THSD7A: variants seen among roughly 807,000 people sequenced by gnomAD.
The protein encoded by THSD7A is thrombospondin type-1 domain-containing protein 7A.
A neutral mutation model predicts 231.3 loss-of-function variants in THSD7A; 96 were observed. That is an observed-to-expected ratio of 0.41 (90% confidence interval 0.35 to 0.49). The LOEUF (loss-of-function observed/expected upper bound fraction) is 0.49, where lower values mean the gene tolerates loss of function less well. Ranked by LOEUF, THSD7A falls within the 20% of genes least tolerant of loss-of-function variation. The pLI, the probability that THSD7A is intolerant of heterozygous loss-of-function variation, is 0.05. For synonymous variants in THSD7A, 940 were observed against 743.3 expected (o/e 1.26, Z -4.30); for missense variants, 2,290 against 2,070.2 (o/e 1.11, Z -2.06).
rs745759491 is a variant in THSD7A at position 11,590,550 on chromosome 7, A to G, written c.1363T>C (p.Cys455Arg). Residue 455 changes from cysteine (C) to arginine (R), a missense_variant, in exon 4 of 28, where the codon TGT becomes CGT. Coordinates refer to ENST00000423059, the MANE Select transcript of THSD7A (RefSeq NM_015204.3). The surrounding 1 kb of genome is among the most constrained non-coding windows in gnomAD (Gnocchi z 4.4). ...DKRRGNQTAL[C>R]GGGIQTREVY... is the part of the protein sequence containing the mutation. ...TCTCGGGTCTGGATGCCCCCTCCAC[A>G]GAGGGCCGTCTGGTTGCCGCGCCTC... 6.2e-7 allele frequency: 1 copy of G among 1,613,916 alleles called. No individual in the cohort carries two copies. Among genetic ancestry groups the G allele is most frequent in the Non-Finnish European group, 8.5e-7 (1 of 1,179,846 alleles).
At chr7:11,415,004 T>C (rs1473528762) in intron 17 of THSD7A, among the ~76,000 whole-genome samples, 3 of 152,154 alleles carry the variant, frequency 2.0e-5, no homozygotes, top group Non-Finnish European at 4.4e-5. Context: ...CAAATTAAAT[T>C]TAGGCTAACG....
At chr7:11,544,001 ATCTG>A (rs886654168) in intron 4 of THSD7A, among the ~76,000 whole-genome samples, 56 of 152,256 alleles carry the variant, frequency 3.7e-4, no homozygotes, top group African/African-American at 1.0e-3. Context: ...TCTATATAAT[ATCTG>A]TCTGTCTATC....
chr7:11,709,853 T>C (rs561487721), intron 1 of THSD7A, among the ~76,000 whole-genome samples: 186 of 150,920 alleles, frequency 1.2e-3, no homozygotes, highest in African/African-American at 4.4e-3. Flanking sequence ...ATCTTTCCAT[T>C]TGAGACAAAA....
intron 1 of THSD7A, chr7:11,820,672 G>T (rs10228612): frequency 3.6e-6 from 3 of 828,408 alleles, no homozygotes; most frequent in South Asian, 2.7e-5. Context: ...GACCCACAAA[G>T]ACTTTAGTCC....
chr7:11,541,738 G>C, intron 5 of THSD7A, 107 bp from the exon 6 acceptor site: 1 of 1,042,592 alleles, frequency 9.6e-7, no homozygotes, highest in Non-Finnish European at 1.4e-6. Context: ...GGAGGTAGAA[G>C]TCATTTCTGT....
chr7:11,682,766 C>T (rs1426258037), intron 1 of THSD7A, among the ~76,000 whole-genome samples: 3 of 151,998 alleles, frequency 2.0e-5, no homozygotes, highest in Non-Finnish European at 2.9e-5. Context: ...ATCTAATAGA[C>T]ATCTACAGAA....
intron 1 of THSD7A, among the ~76,000 whole-genome samples, chr7:11,643,014 G>C (rs1782143852): frequency 1.3e-5 from 2 of 152,088 alleles, no homozygotes; most frequent in Non-Finnish European, 2.9e-5. Context: ...ATTATTGACA[G>C]GTGGCCAGCA....
intron 4 of THSD7A, among the ~76,000 whole-genome samples, chr7:11,587,790 C>T (rs1356621494): frequency 6.6e-6 from 1 of 152,084 alleles, no homozygotes; most frequent in Non-Finnish European, 1.5e-5. Flanking sequence ...GTATCATTCC[C>T]CTGTGTAACA....
At chr7:11,562,332 C>G (rs1375450965) in intron 4 of THSD7A, among the ~76,000 whole-genome samples, 1 of 152,102 alleles carries the variant, frequency 6.6e-6, no homozygotes, top group Non-Finnish European at 1.5e-5. Flanking sequence ...CTACTTCAGA[C>G]TAATTTGAAT....
intron 17 of THSD7A, 62 bp from the exon 18 acceptor site, chr7:11,412,862 A>G: frequency 6.4e-7 from 1 of 1,554,378 alleles, no homozygotes; most frequent in Non-Finnish European, 8.7e-7. Context: ...CTGGTATATT[A>G]GAGACAGCAC....
chr7:11,458,800 C>T (rs1251665919), intron 11 of THSD7A, among the ~76,000 whole-genome samples: 1 of 152,132 alleles, frequency 6.6e-6, no homozygotes, highest in Non-Finnish European at 1.5e-5. Context: ...TGCTGGTAAT[C>T]ACAGACAGAA....
chr7:11,461,223 C>T (rs1263002181), intron 10 of THSD7A, among the ~76,000 whole-genome samples: 1 of 152,022 alleles, frequency 6.6e-6, no homozygotes, highest in African/African-American at 2.4e-5. Context: ...AAACAAATTC[C>T]AAAAATAAAT....
At chr7:11,399,820 C>T (rs563858603) in intron 23 of THSD7A, among the ~76,000 whole-genome samples, 1 of 152,128 alleles carries the variant, frequency 6.6e-6, no homozygotes, top group Non-Finnish European at 1.5e-5. Flanking sequence ...GGTATACGCC[C>T]AAAGGACTAT....
At chr7:11,801,193 A>G (rs1784265249) in intron 1 of THSD7A, among the ~76,000 whole-genome samples, 2 of 152,088 alleles carry the variant, frequency 1.3e-5, no homozygotes, top group African/African-American at 4.8e-5. Flanking sequence ...CCATTTGCAT[A>G]TTAGTTATAA....
intron 4 of THSD7A, among the ~76,000 whole-genome samples, chr7:11,571,392 T>C (rs1453608717): frequency 1.3e-5 from 2 of 152,230 alleles, no homozygotes; most frequent in Non-Finnish European, 1.5e-5. Flanking sequence ...TACTGCTGAA[T>C]TTCATCTCAT....
At chr7:11,720,297 G>A (rs1487515501) in intron 1 of THSD7A, among the ~76,000 whole-genome samples, 1 of 151,580 alleles carries the variant, frequency 6.6e-6, no homozygotes, top group Admixed American at 6.6e-5. Context: ...AAAGTAAATA[G>A]AACCCATCAG....
chr7:11,437,231 C>T (rs999589053), intron 13 of THSD7A, among the ~76,000 whole-genome samples: 1 of 152,084 alleles, frequency 6.6e-6, no homozygotes, highest in Non-Finnish European at 1.5e-5. Flanking sequence ...ATGGCAGATG[C>T]TCTTCCATCA....
At chr7:11,579,735 A>C (rs911715900) in intron 4 of THSD7A, among the ~76,000 whole-genome samples, 3 of 152,198 alleles carry the variant, frequency 2.0e-5, no homozygotes, top group African/African-American at 7.2e-5. Flanking sequence ...AGAATGTAGA[A>C]AAGACTAATA....
chr7:11,664,751 C>T (rs1562456098), intron 1 of THSD7A, among the ~76,000 whole-genome samples: 1 of 151,922 alleles, frequency 6.6e-6, no homozygotes, highest in Non-Finnish European at 1.5e-5. Flanking sequence ...TTTTTCTAAC[C>T]TCTGAATGCT....
Sources: gnomAD v4.1 joint callset for allele counts (sites outside exome capture counted in the v4.1 genomes callset) on GRCh38, gnomAD v4.1.1 for gene constraint, Gnocchi (gnomAD v3.1) non-coding constraint, MANE v1.5 for transcripts, NCBI Gene and HGNC (gene_info 2026-07-23, HGNC 2026-07-21) for gene names.